Variants in LMO2 observed in about 807,000 individuals in gnomAD.
LMO2 encodes the protein rhombotin-2.
In LMO2, 20 loss-of-function variants were observed where a neutral mutation model predicts 23.2. The ratio of observed to expected loss-of-function variants is 0.86; its 90% confidence interval spans 0.61 to 1.25. The LOEUF is 1.25. LMO2 is among the 50% of genes most tolerant of loss of function. The probability of loss-of-function intolerance (pLI) is 0.00; values close to 1 mark genes in which losing one functional copy is unlikely to be tolerated. For synonymous variants in LMO2, 123 were observed against 130.2 expected, an observed-to-expected ratio of 0.94 and a Z score of 0.38; for missense variants, 270 against 315.3, an observed-to-expected ratio of 0.86 and a Z score of 1.09.
rs373777876 is a variant in LMO2 at position 33,859,293 on chromosome 11, G to A, written c.*63C>T. 28 of 1,281,014 alleles carry A rather than the reference G, an allele frequency of 2.2e-5. No homozygotes were observed. Among genetic ancestry groups the A allele is most frequent in the Middle Eastern group, 2.4e-4 (1 of 4,238 alleles). 79.4% of individuals were successfully genotyped at this position (1,281,014 alleles called of 1,614,324 possible). On this transcript the variant is annotated 3_prime_UTR_variant, in exon 6 of 6. Coordinates refer to ENST00000257818, the MANE Select transcript of LMO2 (RefSeq NM_005574.4). ...CCCCAAAGTGCCTAAGAGTGAAGAC[G>A]AAGATGCCATGGAGACGGCGTCTTC...
chr11:33,871,545 G>A (rs1455253938), intron 2 of LMO2, among the ~76,000 whole-genome samples: 3 of 132,266 alleles, frequency 2.3e-5, no homozygotes, highest in African/African-American at 8.6e-5. Flanking sequence ...CCCAGTCTGG[G>A]GAACAGAGTG....
chr11:33,869,515 T>C lies in LMO2; in HGVS notation c.79A>G (p.Arg27Gly). Reference protein sequence around the residue: ...PAERRSKRRRRSGGDGGGGGG... With the variant: ...PAERRSKRRRGSGGDGGGGGG... ...CCGCCGCCGCCGTCGCCGCCGCTCC[T>C]GCGCCTCCGCTTGCTCCGGCGCTCC... The change falls in exon 4 of 6, where the codon AGG becomes GGG. Residue 27 changes from arginine to glycine, a missense_variant. Around this residue, in one of 2 missense-constraint regions of LMO2, gnomAD observed 170 missense variants for 162.0 expected, o/e 1.05. Coordinates refer to ENST00000257818, the MANE Select transcript of LMO2 (RefSeq NM_005574.4). 1.6e-6 allele frequency: 2 copies of C among 1,222,388 alleles called. No homozygotes were observed. The highest frequency in any genetic ancestry group is 2.1e-6 in the Non-Finnish European group (2 of 974,400). The allele number at this position is 1,222,388 out of a possible 1,614,324, so 75.7% of individuals were successfully genotyped here. A position where few individuals can be genotyped will look rare whatever the true frequency, so the allele number is the denominator to read the frequency against.
chr11:33,874,320 A>G (rs1296631258), intron 2 of LMO2, among the ~76,000 whole-genome samples: 2 of 152,260 alleles, frequency 1.3e-5, no homozygotes, highest in African/African-American at 4.8e-5. Flanking sequence ...ACCGAGCCTT[A>G]GGATGAGCAT....
At chr11:33,875,540 T>C (rs967817432) in intron 2 of LMO2, among the ~76,000 whole-genome samples, 8 of 141,462 alleles carry the variant, frequency 5.7e-5, no homozygotes, top group Admixed American at 1.5e-4. Flanking sequence ...ACCGTGCCGT[T>C]GCACTCAAGC....
chr11:33,870,411 C>G, intron 2 of LMO2: 1 of 985,582 alleles, frequency 1.0e-6, no homozygotes, highest in Non-Finnish European at 1.2e-6. Flanking sequence ...TCCACGGACG[C>G]CGTGCACTGG....
rs1429343934 is a variant in LMO2, at chr11:33,881,243, A to G, written c.-272+581T>C. The G allele has an allele frequency of 1.1e-5, 5 of 456,992 alleles. No homozygotes were observed. In the Admixed American group the frequency reaches 1.2e-4, roughly 11 times the overall value. The allele number at this position is 456,992 out of a possible 1,614,324, so 28.3% of individuals were successfully genotyped here. A position where few individuals can be genotyped will look rare whatever the true frequency, so the allele number is the denominator to read the frequency against. ...ACGCTTTCAAGCTACAGTGCTTCCC[A>G]TCACATTGCAGAAGGCCGCCTTGGG... On this transcript the variant is annotated intron_variant, in intron 2 of 5. Coordinates refer to ENST00000257818, the MANE Select transcript of LMO2 (RefSeq NM_005574.4).
Position 33,867,285 on chromosome 11 carries a change from T to A in LMO2, c.248+2061A>T, listed in dbSNP as rs1412041171. Among the ~76,000 whole-genome samples the A allele has an allele frequency of 2.0e-5, 3 of 152,134 alleles. No homozygotes were observed. The East Asian group carries it at 5.8e-4, about 29-fold the overall frequency. On this transcript the variant is annotated intron_variant, in intron 4 of 5. Coordinates refer to ENST00000257818, the MANE Select transcript of LMO2 (RefSeq NM_005574.4). The stretch of plus-strand genomic sequence containing the variant: ...AGATGCTGATTGTAATGACCCAAGC[T>A]GGATTTGAGGAAGTACACAATGAAG...
At chr11:33,888,174 T>G (rs1857458371) in intron 1 of LMO2, among the ~76,000 whole-genome samples, 1 of 152,188 alleles carries the variant, frequency 6.6e-6, no homozygotes, top group African/African-American at 2.4e-5. Context: ...GAGCACTTGC[T>G]CTATGCATAC....
At chr11:33,869,610 C>T in intron 3 of LMO2, 24 bp from the exon 4 acceptor site, 3 of 1,272,650 alleles carry the variant, frequency 2.4e-6, no homozygotes, top group South Asian at 2.2e-5. Flanking sequence ...AGAGAGAGAG[C>T]GAATCACCGG....
At chr11:33,883,428 A>C (rs1565036331) in intron 1 of LMO2, among the ~76,000 whole-genome samples, 1 of 152,338 alleles carries the variant, frequency 6.6e-6, no homozygotes, top group South Asian at 2.1e-4. Context: ...GGAAGATGAC[A>C]CAGAAAGTCA....
At chr11:33,887,347 C>T (rs191698645) in intron 1 of LMO2, among the ~76,000 whole-genome samples, 2 of 152,170 alleles carry the variant, frequency 1.3e-5, no homozygotes, top group African/African-American at 4.8e-5. Flanking sequence ...GAGGGAAGGA[C>T]TCATTACCGT....
chr11:33,879,518 C>G (rs1425721942), intron 2 of LMO2, among the ~76,000 whole-genome samples: 1 of 151,114 alleles, frequency 6.6e-6, no homozygotes, highest in Non-Finnish European at 1.5e-5. Flanking sequence ...ATCGCAGTTA[C>G]TCAGGAGCCT....
rs1203201898 is a variant in LMO2 at position 33,869,470 on chromosome 11, C to T, written c.124G>A (p.Glu42Lys). Reference protein sequence around the residue: ...GGGGGGARAPEGVRAPAAGQP... With the variant: ...GGGGGGARAPKGVRAPAAGQP... Reference sequence around the variant, plus strand: ...CCGGCTGCCGGGGCTCGGACCCCCTCGGGTGCTCGGGCGCCGCCGCCGCCG... The same window carrying T: ...CCGGCTGCCGGGGCTCGGACCCCCTTGGGTGCTCGGGCGCCGCCGCCGCCG... The change falls in exon 4 of 6, where the codon GAG becomes AAG. Residue 42 changes from glutamate to lysine, a missense_variant. Around this residue, in one of 2 missense-constraint regions of LMO2, gnomAD observed 170 missense variants for 162.0 expected, o/e 1.05. Coordinates refer to ENST00000257818, the MANE Select transcript of LMO2 (RefSeq NM_005574.4). 5.8e-6 allele frequency: 7 copies of T among 1,208,518 alleles called. No homozygotes were observed. Among genetic ancestry groups the T allele is most frequent in the South Asian group, 3.9e-5 (1 of 25,938 alleles). The allele number at this position is 1,208,518 out of a possible 1,614,324, so 74.9% of individuals were successfully genotyped here.
intron 5 of LMO2, among the ~76,000 whole-genome samples, chr11:33,863,440 T>C (rs1856656108): frequency 6.6e-6 from 1 of 152,156 alleles, no homozygotes; most frequent in Non-Finnish European, 1.5e-5. Context: ...TAATGTAAAA[T>C]GCTCTGAGGG....
intron 2 of LMO2, among the ~76,000 whole-genome samples, chr11:33,874,363 G>A (rs1857089187): frequency 6.6e-6 from 1 of 152,178 alleles, no homozygotes; most frequent in Non-Finnish European, 1.5e-5. Context: ...TGCGTGATCT[G>A]GGGGAATTTA....
chr11:33,868,313 G>GA (rs1458277658), intron 4 of LMO2, among the ~76,000 whole-genome samples: 1 of 152,124 alleles, frequency 6.6e-6, no homozygotes, highest in Non-Finnish European at 1.5e-5. Flanking sequence ...AGCAGGAAAA[G>GA]AAAAAACAAA....
At chr11:33,889,228 C>G (rs4756078) in intron 1 of LMO2, among the ~76,000 whole-genome samples, 1 of 151,926 alleles carries the variant, frequency 6.6e-6, no homozygotes, top group African/African-American at 2.4e-5. Context: ...TACTGGGCAC[C>G]AAGAATTTAA....
At chr11:33,879,767 T>C (rs1857219842) in intron 2 of LMO2, among the ~76,000 whole-genome samples, 1 of 152,208 alleles carries the variant, frequency 6.6e-6, no homozygotes, top group South Asian at 2.1e-4. Context: ...TCTACATCAC[T>C]AATTATTAGA....
In LMO2 at chr11:33,868,411, G is replaced by T. The variant is rs117509641; in HGVS notation, c.248+935C>A. On this transcript the variant is annotated intron_variant, in intron 4 of 5. Transcript: ENST00000257818. Reference sequence around the variant, plus strand: ...CAAATCCCTTCAAAGGATTAGAGGGGGACTTCAAAGGAATAAAAATTCTCA... The same window carrying T: ...CAAATCCCTTCAAAGGATTAGAGGGTGACTTCAAAGGAATAAAAATTCTCA... Among the ~76,000 whole-genome samples the T allele has an allele frequency of 2.7e-3, 407 of 152,250 alleles. 3 individuals are homozygous for T. Among genetic ancestry groups the T allele is most frequent in the Non-Finnish European group, 4.8e-3 (329 of 68,012 alleles).
Sources: gnomAD v4.1 joint callset for allele counts (sites outside exome capture counted in the v4.1 genomes callset) on GRCh38, gnomAD v4.1.1 for gene constraint, gnomAD v4.1.1 regional missense constraint, MANE v1.5 for transcripts, NCBI Gene and HGNC (gene_info 2026-07-23, HGNC 2026-07-21) for gene names.